SERINC3: variants seen among roughly 807,000 people sequenced by gnomAD.
SERINC3 encodes the protein serine incorporator 3, also known as tumor differentially expressed protein 1.
SERINC3 carries 22 observed loss-of-function variants against 52.1 expected under a neutral mutation model. That is an observed-to-expected ratio of 0.42 (90% confidence interval 0.30 to 0.60). The LOEUF (loss-of-function observed/expected upper bound fraction) is 0.60, where lower values mean the gene tolerates loss of function less well. Ranked by LOEUF, SERINC3 falls within the 20% of genes least tolerant of loss-of-function variation. The pLI is 0.16. For synonymous variants in SERINC3, 226 were observed against 212.7 expected (o/e 1.06, Z -0.54); for missense variants, 564 against 584.6 (o/e 0.96, Z 0.36).
In SERINC3 at chr20:44,512,893, G is replaced by A. The variant is rs775881222; in HGVS notation, c.303C>T (p.Ile101=). ...VLVGYKAVYR[I]SFAMAIFFFV... Reference sequence around the variant, plus strand: ...AGAAAAAGATGGCCATGGCAAAGCTGATCCGATACACAGCTTTATAACCAA... The same window carrying A: ...AGAAAAAGATGGCCATGGCAAAGCTAATCCGATACACAGCTTTATAACCAA... The change falls in exon 3 of 10, where the codon ATC becomes ATT. Residue 101 remains isoleucine (I), a synonymous_variant. Transcript: ENST00000342374. 2.5e-6 allele frequency: 4 copies of A among 1,576,226 alleles called. No individual in the cohort carries two copies. The highest frequency in any genetic ancestry group is 1.4e-5 in the African/African-American group (1 of 72,160).
chr20:44,515,924 G>C (rs2064377584), intron 1 of SERINC3, among the ~76,000 whole-genome samples: 2 of 151,938 alleles, frequency 1.3e-5, no homozygotes, highest in Non-Finnish European at 2.9e-5. Context: ...CGAAAGTGCT[G>C]GATTACAGGC....
intron 2 of SERINC3, among the ~76,000 whole-genome samples, chr20:44,513,520 G>A (rs563127188): frequency 3.3e-5 from 5 of 152,230 alleles, no homozygotes; most frequent in Non-Finnish European, 5.9e-5. Flanking sequence ...GCCCTTTTAG[G>A]ATGAAGAGGC....
At position 44,501,208 on chromosome 20, in the gene SERINC3, C is replaced by T. The variant is rs2064277805; in HGVS notation, c.1148G>A (p.Ser383Asn). 1.3e-5 allele frequency: 21 copies of T among 1,614,086 alleles called. No homozygotes were observed. The highest frequency in any genetic ancestry group is 1.7e-5 in the Non-Finnish European group (20 of 1,180,032). The change falls in exon 9 of 10, where the codon AGT becomes AAT. Residue 383 changes from serine (S) to asparagine (N), a missense_variant. Coordinates refer to ENST00000342374, the MANE Select transcript of SERINC3 (RefSeq NM_006811.4). ...ILGDTTTSGASDEEDGQPRRA... is the reference protein window; with the variant it reads ...ILGDTTTSGANDEEDGQPRRA... Reference sequence around the variant, plus strand: ...CCGAGGCTGTCCATCTTCTTCATCACTGGCACCACTGGTAGTTGTATCACC... The same window carrying T: ...CCGAGGCTGTCCATCTTCTTCATCATTGGCACCACTGGTAGTTGTATCACC...
Position 44,522,054 on chromosome 20 carries a change from C to T in SERINC3, c.-103G>A, listed in dbSNP as rs1316978306. The stretch of plus-strand genomic sequence containing the variant: ...CCAGAAACATGACGGTTTCTCAGGC[C>T]GGAAACGCAGCCTTCCACAGACGCA... On this transcript the variant is annotated 5_prime_UTR_variant, in exon 1 of 10. Coordinates refer to ENST00000342374, the MANE Select transcript of SERINC3 (RefSeq NM_006811.4). 1.6e-6 allele frequency: 2 copies of T among 1,279,782 alleles called. No homozygotes were observed. Among genetic ancestry groups the T allele is most frequent in the Admixed American group, 4.1e-5 (2 of 48,256 alleles). 79.3% of individuals were successfully genotyped at this position (1,279,782 alleles called of 1,614,324 possible). A position where few individuals can be genotyped will look rare whatever the true frequency, so the allele number is the denominator to read the frequency against.
chr20:44,505,699 G>C (rs2064307433), intron 6 of SERINC3, among the ~76,000 whole-genome samples: 2 of 151,934 alleles, frequency 1.3e-5, no homozygotes, highest in African/African-American at 4.8e-5. Flanking sequence ...CCAGGGTTCA[G>C]GCTATTCTCC....
intron 1 of SERINC3, 41 bp from the exon 2 acceptor site, chr20:44,514,081 T>C (rs2064365472): frequency 6.3e-7 from 1 of 1,587,744 alleles, no homozygotes; most frequent in African/African-American, 1.4e-5. Flanking sequence ...CCGCCTTCAG[T>C]ATACTCCTTT....
chr20:44,511,819 T>C (rs567318582), intron 3 of SERINC3, among the ~76,000 whole-genome samples: 2 of 152,306 alleles, frequency 1.3e-5, no homozygotes, highest in South Asian at 4.1e-4. Context: ...TTCATGATCT[T>C]TAATGACTGC....
downstream of SERINC3, among the ~76,000 whole-genome samples, chr20:44,496,550 T>C (rs1438739568): frequency 6.6e-6 from 1 of 152,136 alleles, no homozygotes; most frequent in Non-Finnish European, 1.5e-5. Context: ...TCCCAACACT[T>C]TGGGAGGCTG....
At chr20:44,521,789 C>G in intron 1 of SERINC3, 124 bp downstream of exon 1, 1 of 986,138 alleles carries the variant, frequency 1.0e-6, no homozygotes, top group Non-Finnish European at 1.5e-6. Context: ...CCCCGGAGAC[C>G]CTCTGTAGCC....
At chr20:44,514,112 G>A (rs2064365706) in intron 1 of SERINC3, 72 bp from the exon 2 acceptor site, 1 of 1,483,242 alleles carries the variant, frequency 6.7e-7, no homozygotes, top group African/African-American at 1.4e-5. Flanking sequence ...TGTCGCAGAA[G>A]AGAAAGCGAG....
chr20:44,502,293 T>C (rs965960412), intron 8 of SERINC3, among the ~76,000 whole-genome samples: 2 of 152,174 alleles, frequency 1.3e-5, no homozygotes, highest in Non-Finnish European at 1.5e-5. Context: ...AAGATCAATA[T>C]ATAGAAATCA....
At chr20:44,500,549 AC>A (rs1568783288) in intron 9 of SERINC3, 115 bp from the exon 10 acceptor site, 10 of 1,166,010 alleles carry the variant, frequency 8.6e-6, no homozygotes, top group Non-Finnish European at 1.2e-5. Flanking sequence ...GGCTGGCACT[AC>A]CCCCCAGTAG....
rs1188247073 is a variant in SERINC3, at chr20:44,497,614, T to A, written c.*2682A>T. The A allele has an allele frequency of 6.6e-6, 1 of 152,384 alleles. No homozygotes were observed. Among genetic ancestry groups the A allele is most frequent in the East Asian group, 1.9e-4 (1 of 5,202 alleles). 9.4% of individuals were successfully genotyped at this position (152,384 alleles called of 1,614,324 possible). ...CGCTACTGTAAAGAAAAGCAGGGTA[T>A]CTGCTTCACACTGGCAAAATAAGGG... On this transcript the variant is annotated 3_prime_UTR_variant, in exon 10 of 10. Coordinates refer to ENST00000342374, the MANE Select transcript of SERINC3 (RefSeq NM_006811.4).
intron 5 of SERINC3, among the ~76,000 whole-genome samples, chr20:44,508,048 TA>T (rs1445576383): frequency 6.6e-6 from 1 of 152,224 alleles, no homozygotes; most frequent in Non-Finnish European, 1.5e-5. Context: ...TGTCTAAAAT[TA>T]AATGATGTAC....
chr20:44,502,859 C>T (rs1446458845), intron 8 of SERINC3, among the ~76,000 whole-genome samples: 4 of 152,048 alleles, frequency 2.6e-5, no homozygotes, highest in African/African-American at 4.8e-5. Flanking sequence ...AGCCTCCTAA[C>T]GTGTGGGAAA....
At chr20:44,521,016 T>C (rs2064413192) in intron 1 of SERINC3, among the ~76,000 whole-genome samples, 1 of 152,188 alleles carries the variant, frequency 6.6e-6, no homozygotes. Flanking sequence ...GGAATTGACT[T>C]GTAGGGCACC....
At position 44,500,414 on chromosome 20, in the gene SERINC3, C is replaced by T. The variant is rs1001931400; in HGVS notation, c.1304G>A (p.Ser435Asn). ...CACAGCTGGCCACTTGCTGGTCATG[C>T]TCTGAAACTTTGCATCAGGGCTAAG... Reference protein sequence around the residue: ...SWYSPDAKFQSMTSKWPAVWV... With the variant: ...SWYSPDAKFQNMTSKWPAVWV... Residue 435 changes from serine (S) to asparagine (N), a missense_variant, in exon 10 of 10, where the codon AGC (serine) becomes AAC (asparagine). Coordinates refer to ENST00000342374, the MANE Select transcript of SERINC3 (RefSeq NM_006811.4). The T allele has an allele frequency of 9.5e-6, 15 of 1,574,514 alleles. No homozygotes were observed. Among genetic ancestry groups the T allele is most frequent in the African/African-American group, 9.4e-5 (7 of 74,268 alleles).
At chr20:44,503,791 T>C in intron 8 of SERINC3, 24 bp downstream of exon 8, 4 of 1,485,942 alleles carry the variant, frequency 2.7e-6, no homozygotes, top group Non-Finnish European at 3.6e-6. Flanking sequence ...ATGAAAATCT[T>C]GTTCTAAGTA....
In SERINC3 at chr20:44,503,990, A is replaced by G; in HGVS notation, c.880T>C (p.Ser294Pro). The change falls in exon 8 of 10, where the codon TCC (serine) becomes CCC (proline). Residue 294 changes from serine (S) to proline (P), a missense_variant. By Grantham distance (74) the Ser-to-Pro change is moderately conservative (BLOSUM62 -1). Transcript: ENST00000342374. ...AAGCTCATCAGGTTGGGATTGCAGGAACGATCTGAAAATGAGAAAATTTGT... is the reference window on the plus strand; with the variant it reads ...AAGCTCATCAGGTTGGGATTGCAGGGACGATCTGAAAATGAGAAAATTTGT... The part of the protein sequence containing the change: ...WSAMSNEPDR[S>P]CNPNLMSFIT... The G allele has an allele frequency of 6.4e-7, 1 of 1,571,384 alleles. No homozygotes were observed. Among genetic ancestry groups the G allele is most frequent in the South Asian group, 1.2e-5 (1 of 81,058 alleles).
Sources: allele counts gnomAD v4.1 joint callset (sites outside exome capture counted in the v4.1 genomes callset), GRCh38; gene constraint gnomAD v4.1.1; transcripts MANE v1.5; gene names NCBI Gene and HGNC (gene_info 2026-07-23, HGNC 2026-07-21).